The following NRDC variants were observed in gnomAD, a reference collection of about 807,000 sequenced individuals.
NRDC encodes the protein nardilysin.
Under a neutral mutation model 147.1 loss-of-function variants are expected in NRDC, and 54 were observed. That is an observed-to-expected ratio of 0.37 (90% CI 0.29 to 0.46). The LOEUF is 0.46. Among genes scored for constraint, NRDC ranks in the 20% least tolerant of loss-of-function variants. The probability of loss-of-function intolerance (pLI) is 1.00; values close to 1 mark genes in which losing one functional copy is unlikely to be tolerated. For synonymous variants in NRDC, 440 were observed against 482.1 expected, an observed-to-expected ratio of 0.91 and a Z score of 1.14; for missense variants, 1,082 against 1,370.6, an observed-to-expected ratio of 0.79 and a Z score of 3.33.
At chr1:51,845,745 T>G (rs1681528027) in intron 1 of NRDC, among the ~76,000 whole-genome samples, 2 of 152,236 alleles carry the variant, frequency 1.3e-5, no homozygotes, top group African/African-American at 4.8e-5. Flanking sequence ...TTTTATTTTC[T>G]GCCTGCACCA....
chr1:51,800,598 TTC>T lies in NRDC; in HGVS notation c.2397_2398del (p.Lys800AspfsTer4). 6.2e-7 allele frequency: 1 copy of T among 1,614,136 alleles called. No individual in the cohort carries two copies. Among genetic ancestry groups the T allele is most frequent in the Non-Finnish European group, 8.5e-7 (1 of 1,179,964 alleles). On this transcript the variant is annotated frameshift_variant, in exon 21 of 31. Transcript: ENST00000352171. LOFTEE classifies it high-confidence loss of function. Reference sequence around the variant, plus strand: ...CTTGATGAGGATGTTAAAGTAGGTCTTCTTCAACTGCTCAGTTATCATTGTAA... The same window carrying T: ...CTTGATGAGGATGTTAAAGTAGGTCTTTCAACTGCTCAGTTATCATTGTAA...
intron 17 of NRDC, among the ~76,000 whole-genome samples, chr1:51,808,678 G>C (rs1361263827): frequency 6.6e-6 from 1 of 152,178 alleles, no homozygotes; most frequent in Non-Finnish European, 1.5e-5. Context: ...GAAATACAGT[G>C]TTCTGAGTAA....
At chr1:51,823,566 T>C in intron 7 of NRDC, 98 bp downstream of exon 7, 1 of 826,562 alleles carries the variant, frequency 1.2e-6, no homozygotes. Context: ...GGTCAAGCAC[T>C]AAAGTAATTA....
At chr1:51,863,013 GAAAAAAAAA>G (rs562410956) in intron 1 of NRDC, among the ~76,000 whole-genome samples, 17 of 32,048 alleles carry the variant, frequency 5.3e-4, no homozygotes, top group South Asian at 1.5e-3. Context: ...CTGTGTGGAG[GAAAAAAAAA>G]AAAAAAAAAA....
intron 4 of NRDC, 65 bp downstream of exon 4, chr1:51,833,952 A>T: frequency 7.2e-7 from 1 of 1,380,762 alleles, no homozygotes; most frequent in Non-Finnish European, 1.0e-6. Flanking sequence ...GTACAAGAAC[A>T]CTCTATTTAC....
chr1:51,861,011 A>G (rs6690256), intron 1 of NRDC, among the ~76,000 whole-genome samples: 5,024 of 149,128 alleles, frequency 0.034, 208 homozygotes, highest in South Asian at 0.095. Flanking sequence ...ATACAGTGGC[A>G]TGAGCTTGGC....
chr1:51,841,634 T>TA (rs1164735482), intron 1 of NRDC, among the ~76,000 whole-genome samples: 1 of 152,230 alleles, frequency 6.6e-6, no homozygotes, highest in African/African-American at 2.4e-5. Flanking sequence ...TTCATGTATT[T>TA]ATTCAATAAA....
chr1:51,832,303 C>G (rs1680752545), intron 4 of NRDC, among the ~76,000 whole-genome samples: 1 of 151,992 alleles, frequency 6.6e-6, no homozygotes, highest in South Asian at 2.1e-4. Flanking sequence ...CACCTCGGCC[C>G]CCCAAAGTGT....
chr1:51,791,001 ACATCTT>A lies in NRDC; in HGVS notation c.2961-17_2961-12del. 3.8e-6 allele frequency: 6 copies of A among 1,584,334 alleles called. No homozygotes were observed. Among genetic ancestry groups the A allele is most frequent in the Non-Finnish European group, 5.2e-6 (6 of 1,154,198 alleles). On this transcript the variant is annotated splice_polypyrimidine_tract_variant and intron_variant, in intron 27 of 30. Coordinates refer to ENST00000352171, the MANE Select transcript of NRDC (RefSeq NM_001101662.2). Reference sequence around the variant, plus strand: ...TCAACAACTTCAGAACTGAAACAAAACATCTTCAATCAGAACTAAAACAAAACATCT... The same window carrying A: ...TCAACAACTTCAGAACTGAAACAAAACAATCAGAACTAAAACAAAACATCT...
chr1:51,858,814 T>C (rs774872336), intron 1 of NRDC, among the ~76,000 whole-genome samples: 1 of 152,170 alleles, frequency 6.6e-6, no homozygotes, highest in Non-Finnish European at 1.5e-5. Context: ...TAACTGGCTA[T>C]CCTGAAACTC....
chr1:51,824,359 C>T (rs1680350473), intron 6 of NRDC, among the ~76,000 whole-genome samples: 1 of 152,084 alleles, frequency 6.6e-6, no homozygotes, highest in South Asian at 2.1e-4. Flanking sequence ...CTCCTGACCT[C>T]ATGATCCACC....
chr1:51,872,378 C>T (rs979046254), intron 1 of NRDC, among the ~76,000 whole-genome samples: 1 of 152,130 alleles, frequency 6.6e-6, no homozygotes, highest in Admixed American at 6.6e-5. Context: ...AATATACACT[C>T]TTTCTATTCT....
rs775938816 is a variant in NRDC, at chr1:51,792,367, A to G, written c.2823+10T>C. 8.1e-6 allele frequency: 13 copies of G among 1,613,710 alleles called. No individual in the cohort carries two copies. Among genetic ancestry groups the G allele is most frequent in the East Asian group, 2.2e-5 (1 of 44,880 alleles). ...TGCTGAAAACCTCAGCATCTCCTTT[A>G]TGCACTTACCACAAGCAGCTCCATA... On this transcript the variant is annotated intron_variant, in intron 25 of 30. Transcript: ENST00000352171.
At chr1:51,874,962 A>G (rs1683251727) in intron 1 of NRDC, among the ~76,000 whole-genome samples, 1 of 152,224 alleles carries the variant, frequency 6.6e-6, no homozygotes, top group African/African-American at 2.4e-5. Context: ...TACTTATTCA[A>G]AAGATATATA....
chr1:51,792,211 T>G, intron 25 of NRDC, 113 bp from the exon 26 acceptor site: 1 of 1,449,572 alleles, frequency 6.9e-7, no homozygotes, highest in African/African-American at 1.4e-5. Context: ...TAGTGCCTTT[T>G]TCCTAATTGG....
chr1:51,814,634 C>T, intron 12 of NRDC, 25 bp from the exon 13 acceptor site: 1 of 1,610,042 alleles, frequency 6.2e-7, no homozygotes, highest in Admixed American at 1.7e-5. Context: ...TCCAATTAGT[C>T]TTTTGCATAA....
chr1:51,871,961 TC>T (rs199646301), intron 1 of NRDC, among the ~76,000 whole-genome samples: 2 of 152,188 alleles, frequency 1.3e-5, no homozygotes, highest in African/African-American at 4.8e-5. Context: ...AACCTCTGCC[TC>T]CCGGGTTCAA....
intron 1 of NRDC, among the ~76,000 whole-genome samples, chr1:51,855,621 C>A (rs1191632635): frequency 6.6e-6 from 1 of 151,860 alleles, no homozygotes; most frequent in Non-Finnish European, 1.5e-5. Context: ...TCCTTCAAAT[C>A]ATTAAGAGAA....
intron 1 of NRDC, among the ~76,000 whole-genome samples, chr1:51,874,580 G>C (rs1298209004): frequency 6.6e-6 from 1 of 152,130 alleles, no homozygotes; most frequent in Non-Finnish European, 1.5e-5. Context: ...CTGCACTCCA[G>C]CCTGGGTTAC....
Sources: gnomAD v4.1 joint callset for allele counts (sites outside exome capture counted in the v4.1 genomes callset) on GRCh38, gnomAD v4.1.1 for gene constraint, MANE v1.5 for transcripts, NCBI Gene and HGNC (gene_info 2026-07-23, HGNC 2026-07-21) for gene names.